CIMAP2: variants seen among roughly 807,000 people sequenced by gnomAD.
CIMAP2 encodes the protein ciliary microtubule associated protein 2.
At chr1:54,811,771 A>T in the CIMAP2 span, 6 of 440,396 alleles carry the variant, frequency 1.4e-5, no homozygotes, top group South Asian at 3.2e-5. Context: ...GACAGCCTCC[A>T]TGCCCCCACC....
the CIMAP2 span, chr1:54,813,840 T>C: frequency 6.2e-7 from 1 of 1,609,828 alleles, no homozygotes; most frequent in African/African-American, 1.3e-5. Flanking sequence ...AACTGATGAA[T>C]TTCAAGAGCT....
the CIMAP2 span, among the ~76,000 whole-genome samples, chr1:54,824,723 C>T: frequency 0.2 from 29,737 of 151,534 alleles, 2,970 homozygotes; most frequent in East Asian, 0.33. Flanking sequence ...TCTAGGATTT[C>T]TGTTTGGTTC....
the CIMAP2 span, among the ~76,000 whole-genome samples, chr1:54,840,193 GT>G: frequency 6.6e-6 from 1 of 152,220 alleles, no homozygotes. Context: ...CATCCCTGGA[GT>G]TTTGCCTTTT....
the CIMAP2 span, among the ~76,000 whole-genome samples, chr1:54,832,948 G>A: frequency 5.1e-4 from 77 of 152,098 alleles, no homozygotes; most frequent in African/African-American, 1.8e-3. Flanking sequence ...GATTGCTTGA[G>A]CCTAGGAGGT....
the CIMAP2 span, among the ~76,000 whole-genome samples, chr1:54,818,753 G>A: frequency 2.1e-5 from 2 of 95,644 alleles, no homozygotes; most frequent in African/African-American, 6.5e-5. Context: ...CACCACACCC[G>A]GCTAATTTTT....
At chr1:54,815,306 C>G in the CIMAP2 span, among the ~76,000 whole-genome samples, 2 of 152,242 alleles carry the variant, frequency 1.3e-5, no homozygotes, top group African/African-American at 2.4e-5. Flanking sequence ...TACAGTAGGC[C>G]TGGGTTGGGA....
chr1:54,816,951 A>G, the CIMAP2 span: 29 of 1,612,894 alleles, frequency 1.8e-5, no homozygotes, highest in Non-Finnish European at 2.4e-5. Flanking sequence ...TCTCCAAGCC[A>G]GGCTTGCTAA....
At chr1:54,817,217 G>A in the CIMAP2 span, 1 of 1,513,108 alleles carries the variant, frequency 6.6e-7, no homozygotes, top group Non-Finnish European at 9.0e-7. Context: ...GTTCCCATGG[G>A]AACACAGCTT....
At chr1:54,807,514 ACT>A in the CIMAP2 span, 3 of 1,517,608 alleles carry the variant, frequency 2.0e-6, no homozygotes, top group East Asian at 7.1e-5. Flanking sequence ...CTCTGACCAC[ACT>A]CTGACTCAGT....
At chr1:54,834,225 CTTCCCTGATTTTT>C in the CIMAP2 span, among the ~76,000 whole-genome samples, 1 of 152,198 alleles carries the variant, frequency 6.6e-6, no homozygotes. Context: ...AATAGGGAGT[CTTCCCTGATTTTT>C]TTCCAGGCAG....
chr1:54,807,912 C>A, the CIMAP2 span: 1 of 1,604,592 alleles, frequency 6.2e-7, no homozygotes. Context: ...GCCCCGGCTC[C>A]TACAACCTCA....
At chr1:54,814,833 G>T in the CIMAP2 span, 1 of 1,585,676 alleles carries the variant, frequency 6.3e-7, no homozygotes, top group Non-Finnish European at 8.6e-7. Flanking sequence ...GAGTCAGCTG[G>T]CCAGAGCCCT....
At chr1:54,808,975 C>G in the CIMAP2 span, among the ~76,000 whole-genome samples, 2 of 7,292 alleles carry the variant, frequency 2.7e-4, no homozygotes, top group African/African-American at 6.1e-4. Context: ...TTGGCAGCCT[C>G]TTCTTCTTGT....
At chr1:54,816,930 C>T in the CIMAP2 span, 1 of 1,598,780 alleles carries the variant, frequency 6.3e-7, no homozygotes, top group South Asian at 1.1e-5. Context: ...GGAGAGGAAG[C>T]CGAGACACAG....
chr1:54,818,436 T>G, the CIMAP2 span, among the ~76,000 whole-genome samples: 1 of 152,090 alleles, frequency 6.6e-6, no homozygotes, highest in Non-Finnish European at 1.5e-5. Flanking sequence ...TTCTACTTTC[T>G]GGTAAAATTT....
the CIMAP2 span, among the ~76,000 whole-genome samples, chr1:54,811,625 T>C: frequency 6.6e-6 from 1 of 151,982 alleles, no homozygotes; most frequent in Non-Finnish European, 1.5e-5. Context: ...TGAGCAGTGG[T>C]GGACGCTCAC....
At chr1:54,831,156 G>A in the CIMAP2 span, among the ~76,000 whole-genome samples, 1 of 152,184 alleles carries the variant, frequency 6.6e-6, no homozygotes, top group East Asian at 1.9e-4. Flanking sequence ...AAACATAAAT[G>A]ATAGAAAACA....
chr1:54,823,428 A>G, the CIMAP2 span, among the ~76,000 whole-genome samples: 1 of 150,370 alleles, frequency 6.7e-6, no homozygotes, highest in Non-Finnish European at 1.5e-5. Context: ...TTTGTGGAAT[A>G]TTTTTTTCCA....
At chr1:54,832,137 G>A in the CIMAP2 span, among the ~76,000 whole-genome samples, 1 of 152,204 alleles carries the variant, frequency 6.6e-6, no homozygotes, top group Non-Finnish European at 1.5e-5. Flanking sequence ...GAACCACCAT[G>A]CCCAGCCTAA....
Sources: allele counts gnomAD v4.1 joint callset (sites outside exome capture counted in the v4.1 genomes callset), GRCh38; gene constraint gnomAD v4.1.1; transcripts MANE v1.5; gene names NCBI Gene and HGNC (gene_info 2026-07-23, HGNC 2026-07-21).